MAMDC2: variants seen among roughly 807,000 people sequenced by gnomAD.
The protein encoded by MAMDC2 is MAM domain containing 2.
MAMDC2 carries 57 observed loss-of-function variants against 89.8 expected under a neutral mutation model. The observed-to-expected ratio is 0.63, with a 90% CI of 0.51 to 0.79. The LOEUF (loss-of-function observed/expected upper bound fraction) is 0.79, where lower values mean the gene tolerates loss of function less well. Among genes scored for constraint, MAMDC2 ranks in the 30% least tolerant of loss-of-function variants. The probability of loss-of-function intolerance (pLI) is 0.00; values close to 1 mark genes in which losing one functional copy is unlikely to be tolerated. For missense variants in MAMDC2, 800 were observed against 820.6 expected (o/e 0.97, Z 0.31); for synonymous variants, 313 against 293.4 (o/e 1.07, Z -0.68).
chr9:70,163,167 T>A (rs2032038069), intron 9 of MAMDC2, among the ~76,000 whole-genome samples: 2 of 151,810 alleles, frequency 1.3e-5, no homozygotes, highest in Admixed American at 1.3e-4. Context: ...TATTAGTCCA[T>A]CTGCCTTGCA....
chr9:70,081,683 A>C (rs952707642), intron 2 of MAMDC2: 2 of 152,144 alleles, frequency 1.3e-5, no homozygotes, highest in African/African-American at 2.4e-5. Context: ...TCTCTGAAGA[A>C]CTCAAGACTT....
intron 11 of MAMDC2, chr9:70,175,736 T>C (rs1246763366): frequency 1.3e-5 from 2 of 152,122 alleles, no homozygotes; most frequent in African/African-American, 4.8e-5. Flanking sequence ...GCTTAAACAT[T>C]AGAAATTTGT....
intron 11 of MAMDC2, among the ~76,000 whole-genome samples, chr9:70,176,911 T>C (rs2032518872): frequency 6.6e-6 from 1 of 152,336 alleles, no homozygotes; most frequent in South Asian, 2.1e-4. Context: ...CGATGCCTAG[T>C]GGATGCCTGA....
At chr9:70,209,478 T>A (rs2033303491) in intron 11 of MAMDC2, among the ~76,000 whole-genome samples, 1 of 152,094 alleles carries the variant, frequency 6.6e-6, no homozygotes, top group Non-Finnish European at 1.5e-5. Flanking sequence ...GTTGTGATAT[T>A]CCCTTTATCA....
intron 12 of MAMDC2, among the ~76,000 whole-genome samples, chr9:70,220,689 T>C (rs905885688): frequency 1.3e-5 from 2 of 152,198 alleles, no homozygotes; most frequent in African/African-American, 2.4e-5. Context: ...CAGATCTGCA[T>C]GGTTCCAAAG....
chr9:70,126,486 G>T (rs1485131347), intron 6 of MAMDC2, 71 bp downstream of exon 6: 2 of 1,498,566 alleles, frequency 1.3e-6, no homozygotes, highest in African/African-American at 2.7e-5. Context: ...CAGGGCTGGA[G>T]ATGGAGAGGC....
Position 70,049,728 on chromosome 9 carries a change from C to T in MAMDC2, c.148+5031C>T, listed in dbSNP as rs561481147. Among the ~76,000 whole-genome samples, 6 of 152,270 alleles carry T rather than the reference C, an allele frequency of 3.9e-5. No individual in the cohort carries two copies. The South Asian group carries it at 6.2e-4, about 16-fold the overall frequency. On this transcript the variant is annotated intron_variant, in intron 2 of 13. Coordinates refer to ENST00000377182, the MANE Select transcript of MAMDC2 (RefSeq NM_153267.5). ...ACACCCTCTGGGAGAGATGGTCGAC[C>T]CCAGAAATGTGACCTAGTTACACTT... is the stretch of plus-strand genomic sequence containing the variant.
chr9:70,154,085 A>G (rs1022628810), intron 9 of MAMDC2: 12 of 152,378 alleles, frequency 7.9e-5, no homozygotes, highest in Admixed American at 4.6e-4. Flanking sequence ...TGTCTTGTAT[A>G]GCACCTATCA....
At chr9:70,075,277 A>C (rs1467519992) in intron 2 of MAMDC2, among the ~76,000 whole-genome samples, 1 of 152,198 alleles carries the variant, frequency 6.6e-6, no homozygotes, top group Non-Finnish European at 1.5e-5. Flanking sequence ...CCACCTTTGC[A>C]GCTCAGCCTG....
chr9:70,108,115 G>T, intron 2 of MAMDC2, 96 bp from the exon 3 acceptor site: 1 of 1,254,160 alleles, frequency 8.0e-7, no homozygotes, highest in Non-Finnish European at 1.1e-6. Context: ...ATATCTGCAG[G>T]TTTATCTGCC....
At chr9:70,170,115 GTGCCTGCATTATGAAATTT>G (rs1476096777) in intron 10 of MAMDC2, 1 of 178,110 alleles carries the variant, frequency 5.6e-6, no homozygotes, top group Non-Finnish European at 1.2e-5. Flanking sequence ...TCTGAAGAAA[GTGCCTGCATTATGAAATTT>G]TATTATTTTC....
rs192409149 is a variant in MAMDC2 at position 70,066,984 on chromosome 9, C to G, written c.148+22287C>G. 1.4e-3 allele frequency among the ~76,000 whole-genome samples: 218 copies of G among 152,204 alleles called. 1 individual carries two copies. The highest frequency in any genetic ancestry group is 2.3e-3 in the Admixed American group (35 of 15,298). The stretch of plus-strand genomic sequence containing the variant: ...TAGAAGCAAACCCCAAGGAGATTAG[C>G]AAGTAGGAAGTTTATGAGAGGGTGC... On this transcript the variant is annotated intron_variant, in intron 2 of 13. Coordinates refer to ENST00000377182, the MANE Select transcript of MAMDC2 (RefSeq NM_153267.5).
At chr9:70,100,023 A>AGAGAGAGC (rs1359855878) in intron 2 of MAMDC2, among the ~76,000 whole-genome samples, 80 of 142,870 alleles carry the variant, frequency 5.6e-4, no homozygotes, top group South Asian at 1.4e-3. Context: ...AGAGAGAGAG[A>AGAGAGAGC]GCACAAGCAC....
intron 2 of MAMDC2, among the ~76,000 whole-genome samples, chr9:70,074,551 C>T (rs192082320): frequency 1.2e-4 from 18 of 152,290 alleles, no homozygotes; most frequent in African/African-American, 3.4e-4. Flanking sequence ...GACAGCAAGA[C>T]GGTAGGCAGA....
intron 11 of MAMDC2, among the ~76,000 whole-genome samples, chr9:70,204,079 C>G (rs946380023): frequency 7.2e-5 from 11 of 151,964 alleles, no homozygotes; most frequent in Admixed American, 7.2e-4. Flanking sequence ...CTCCATCCAG[C>G]TTTGTTCTGT....
intron 10 of MAMDC2, 135 bp from the exon 11 acceptor site, chr9:70,170,344 G>A (rs1234072310): frequency 1.6e-5 from 15 of 915,216 alleles, no homozygotes; most frequent in Non-Finnish European, 2.4e-5. Context: ...CCGTGTAGGT[G>A]GGCCACCAGT....
At chr9:70,185,746 T>C (rs984431718) in intron 11 of MAMDC2, among the ~76,000 whole-genome samples, 1 of 152,096 alleles carries the variant, frequency 6.6e-6, no homozygotes, top group Admixed American at 6.6e-5. Flanking sequence ...AACTCCATCA[T>C]CCCAGGTCAA....
chr9:70,130,424 C>T (rs2030753302), intron 6 of MAMDC2, among the ~76,000 whole-genome samples: 1 of 152,172 alleles, frequency 6.6e-6, no homozygotes, highest in East Asian at 1.9e-4. Context: ...AGCCCTGTTC[C>T]ATGCTGCGTC....
At chr9:70,197,401 G>A (rs2032993353) in intron 11 of MAMDC2, among the ~76,000 whole-genome samples, 1 of 152,054 alleles carries the variant, frequency 6.6e-6, no homozygotes, top group African/African-American at 2.4e-5. Flanking sequence ...CAACATACTT[G>A]ATGAAATGGA....
Sources: gnomAD v4.1 joint callset for allele counts (sites outside exome capture counted in the v4.1 genomes callset) on GRCh38, gnomAD v4.1.1 for gene constraint, MANE v1.5 for transcripts, NCBI Gene and HGNC (gene_info 2026-07-23, HGNC 2026-07-21) for gene names.